SEMA3C: variants seen among roughly 807,000 people sequenced by gnomAD.
SEMA3C encodes semaphorin-3C.
SEMA3C carries 47 observed loss-of-function variants against 89.4 expected under a neutral mutation model. The observed-to-expected ratio is 0.53, with a 90% CI of 0.42 to 0.67. The LOEUF is 0.67. Among genes scored for constraint, SEMA3C ranks in the 30% least tolerant of loss-of-function variants. The pLI is 0.00. For synonymous variants in SEMA3C, 310 were observed against 320.2 expected, an observed-to-expected ratio of 0.97 and a Z score of 0.34; for missense variants, 839 against 929.1, an observed-to-expected ratio of 0.90 and a Z score of 1.26.
Position 80,743,650 on chromosome 7 carries a change from C to T in SEMA3C, c.*1244G>A, listed in dbSNP as rs904463615. ...AAAATAATTTCAGTATGAAATTATTCTAATAAAATTATTCTAACATACAAT... is the reference window on the plus strand; with the variant it reads ...AAAATAATTTCAGTATGAAATTATTTTAATAAAATTATTCTAACATACAAT... On this transcript the variant is annotated 3_prime_UTR_variant, in exon 18 of 18. Transcript: ENST00000265361. 6.6e-6 allele frequency: 1 copy of T among 151,404 alleles called. No individual in the cohort carries two copies. The highest frequency in any genetic ancestry group is 2.4e-5 in the African/African-American group (1 of 41,166). 9.4% of individuals were successfully genotyped at this position (151,404 alleles called of 1,614,324 possible). A position where few individuals can be genotyped will look rare whatever the true frequency, so the allele number is the denominator to read the frequency against.
intron 12 of SEMA3C, among the ~76,000 whole-genome samples, chr7:80,771,481 T>A (rs927738176): frequency 6.6e-6 from 1 of 152,224 alleles, no homozygotes; most frequent in Non-Finnish European, 1.5e-5. Context: ...TGCCTTATTT[T>A]ATACTATCTA....
chr7:80,784,989 C>T lies in SEMA3C; in HGVS notation c.1354+4317G>A, dbSNP rs187063196. ...TAAGAAATAAAAGGTCAGAGGACAA[C>T]GCTCACTTTTCCTTCCTTACTTCCT... On this transcript the variant is annotated intron_variant, in intron 12 of 17. Coordinates refer to ENST00000265361, the MANE Select transcript of SEMA3C (RefSeq NM_006379.5). Among the ~76,000 whole-genome samples the T allele has an allele frequency of 7.9e-4, 121 of 152,238 alleles. 1 individual carries two copies. The East Asian group carries it at 0.016, about 20-fold the overall frequency.
At chr7:80,780,976 C>G (rs1398050308) in intron 12 of SEMA3C, among the ~76,000 whole-genome samples, 1 of 152,152 alleles carries the variant, frequency 6.6e-6, no homozygotes, top group African/African-American at 2.4e-5. Flanking sequence ...GAGAGGGTTC[C>G]TTTCTGCATG....
At chr7:80,807,949 C>G (rs1789380670) in intron 6 of SEMA3C, among the ~76,000 whole-genome samples, 1 of 152,028 alleles carries the variant, frequency 6.6e-6, no homozygotes, top group African/African-American at 2.4e-5. Flanking sequence ...GCTTTTTGTT[C>G]TTTTTACTGT....
At chr7:80,880,373 A>G (rs1451483309) in intron 2 of SEMA3C, among the ~76,000 whole-genome samples, 1 of 152,204 alleles carries the variant, frequency 6.6e-6, no homozygotes, top group African/African-American at 2.4e-5. Context: ...TAGTACAAGT[A>G]CTTGTTCTGT....
chr7:80,804,156 T>C lies in SEMA3C; in HGVS notation c.751A>G (p.Asn251Asp), dbSNP rs1562882719. The change falls in exon 8 of 18, where the codon AAT becomes GAT. Residue 251 changes from asparagine to aspartate, a missense_variant. Coordinates refer to ENST00000265361, the MANE Select transcript of SEMA3C (RefSeq NM_006379.5). ...YFFFKEKLTDNNRSTKQIHSM... is the reference protein window; with the variant it reads ...YFFFKEKLTDDNRSTKQIHSM... ...TGAATCTGTTTCGTGCTCCTGTTAT[T>C]GTCAGTCAGTTTTTCTTTGAAGAAG... 1.2e-6 allele frequency: 2 copies of C among 1,613,134 alleles called. No homozygotes were observed. The highest frequency in any genetic ancestry group is 1.7e-4 in the Middle Eastern group (1 of 6,058).
At chr7:80,800,129 G>T (rs1251736089) in intron 10 of SEMA3C, among the ~76,000 whole-genome samples, 33 of 149,402 alleles carry the variant, frequency 2.2e-4, no homozygotes, top group African/African-American at 7.9e-4. Context: ...CTCCAGCCTG[G>T]GCAACAGAGC....
At chr7:80,771,763 C>G (rs1216316010) in intron 12 of SEMA3C, among the ~76,000 whole-genome samples, 1 of 152,114 alleles carries the variant, frequency 6.6e-6, no homozygotes, top group Non-Finnish European at 1.5e-5. Flanking sequence ...TGGGGGAACA[C>G]TGCCTCCTTA....
chr7:80,744,435 G>T lies in SEMA3C; in HGVS notation c.*459C>A. 6.5e-6 allele frequency: 1 copy of T among 153,884 alleles called. No individual in the cohort carries two copies. The highest frequency in any genetic ancestry group is 1.4e-5 in the Non-Finnish European group (1 of 69,402). The allele number at this position is 153,884 out of a possible 1,614,324, so 9.5% of individuals were successfully genotyped here. On this transcript the variant is annotated 3_prime_UTR_variant, in exon 18 of 18. Coordinates refer to ENST00000265361, the MANE Select transcript of SEMA3C (RefSeq NM_006379.5). ...GCTGTCTTCCTTTTCTATTTCTTTT[G>T]ATAGCCATTCTGTCATATGCATTTA... is the stretch of plus-strand genomic sequence containing the variant.
At chr7:80,876,774 T>C (rs1791213513) in intron 2 of SEMA3C, among the ~76,000 whole-genome samples, 1 of 152,254 alleles carries the variant, frequency 6.6e-6, no homozygotes, top group African/African-American at 2.4e-5. Flanking sequence ...GAAAGTCCCA[T>C]GAATTCTTCA....
chr7:80,750,515 C>A (rs1787910730), intron 16 of SEMA3C, among the ~76,000 whole-genome samples: 1 of 140,940 alleles, frequency 7.1e-6, no homozygotes, highest in Non-Finnish European at 1.5e-5. Context: ...CACACACACA[C>A]ATTATATATA....
chr7:80,750,721 G>A (rs1787915328), intron 16 of SEMA3C, among the ~76,000 whole-genome samples: 2 of 151,722 alleles, frequency 1.3e-5, no homozygotes, highest in African/African-American at 4.8e-5. Flanking sequence ...GTAGAATGGT[G>A]GTTTCTAAGG....
chr7:80,780,229 A>C (rs1192660545), intron 12 of SEMA3C, among the ~76,000 whole-genome samples: 1 of 152,168 alleles, frequency 6.6e-6, no homozygotes, highest in Non-Finnish European at 1.5e-5. Flanking sequence ...ATTGGATTAA[A>C]TTGTCTCCTC....
In SEMA3C at chr7:80,792,841, T is replaced by C. The variant is rs528572829; in HGVS notation, c.1132-3313A>G. Among the ~76,000 whole-genome samples the C allele has an allele frequency of 5.1e-4, 77 of 152,312 alleles. 1 individual carries two copies. The highest frequency in any genetic ancestry group is 7.8e-4 in the Admixed American group (12 of 15,296). On this transcript the variant is annotated intron_variant, in intron 11 of 17. Transcript: ENST00000265361. Reference sequence around the variant, plus strand: ...AGACAGACAATGAGTGCTAATAATGTAACACAAACACAAATTGATTGCCCT... The same window carrying C: ...AGACAGACAATGAGTGCTAATAATGCAACACAAACACAAATTGATTGCCCT...
chr7:80,912,828 A>G (rs1792183529), intron 2 of SEMA3C, among the ~76,000 whole-genome samples: 2 of 152,180 alleles, frequency 1.3e-5, no homozygotes, highest in South Asian at 4.1e-4. Context: ...ACCACAACAA[A>G]AACTATTTCA....
chr7:80,764,458 C>G (rs989727784), intron 13 of SEMA3C, among the ~76,000 whole-genome samples: 1 of 152,152 alleles, frequency 6.6e-6, no homozygotes, highest in African/African-American at 2.4e-5. Context: ...GAGAAGGGCA[C>G]AGCAGGACAC....
At chr7:80,904,271 C>T (rs1791954463) in intron 2 of SEMA3C, among the ~76,000 whole-genome samples, 1 of 152,124 alleles carries the variant, frequency 6.6e-6, no homozygotes, top group Admixed American at 6.5e-5. Flanking sequence ...GAACTCCTGG[C>T]CTCAAGTGAT....
intron 2 of SEMA3C, among the ~76,000 whole-genome samples, chr7:80,897,698 T>C (rs1476484718): frequency 6.6e-6 from 1 of 152,216 alleles, no homozygotes; most frequent in Non-Finnish European, 1.5e-5. Flanking sequence ...CAAGGTTTGA[T>C]ACTGGCATAA....
chr7:80,762,511 T>C (rs1161480209), intron 13 of SEMA3C, among the ~76,000 whole-genome samples: 1 of 152,232 alleles, frequency 6.6e-6, no homozygotes, highest in South Asian at 2.1e-4. Context: ...TATTAGTTAC[T>C]TTTAATGATT....
Sources: gnomAD v4.1 joint callset for allele counts (sites outside exome capture counted in the v4.1 genomes callset) on GRCh38, gnomAD v4.1.1 for gene constraint, MANE v1.5 for transcripts, NCBI Gene and HGNC (gene_info 2026-07-23, HGNC 2026-07-21) for gene names.